RAI1: variants seen among roughly 807,000 people sequenced by gnomAD.
The protein encoded by RAI1 is retinoic acid induced 1.
In RAI1, 9 loss-of-function variants were observed where a neutral mutation model predicts 123.8. The ratio of observed to expected loss-of-function variants is 0.07; its 90% CI spans 0.04 to 0.13. The LOEUF is 0.13. Ranked by LOEUF, RAI1 falls within the 10% of genes least tolerant of loss-of-function variation. The pLI is 1.00. For synonymous variants in RAI1, 1,231 were observed against 1,127.3 expected, an observed-to-expected ratio of 1.09 and a Z score of -1.84; for missense variants, 2,256 against 2,545.8, an observed-to-expected ratio of 0.89 and a Z score of 2.45.
Position 17,800,897 on chromosome 17 carries a change from G to A in RAI1, c.5565+2384G>A, listed in dbSNP as rs1421266517. 6.6e-6 allele frequency among the ~76,000 whole-genome samples: 1 copy of A among 152,178 alleles called. No individual in the cohort carries two copies. Among genetic ancestry groups the A allele is most frequent in the African/African-American group, 2.4e-5 (1 of 41,428 alleles). On this transcript the variant is annotated intron_variant, in intron 3 of 5. Coordinates refer to ENST00000353383, the MANE Select transcript of RAI1 (RefSeq NM_030665.4). The surrounding 1 kb of genome is among the most constrained non-coding windows in gnomAD (Gnocchi z 4.7). ...AGCTCTGCCGAGGGCTGGTTCCATA[G>A]CTCCAGGCGAGTCACGCATGCTCTG... is the stretch of plus-strand genomic sequence containing the variant.
intron 1 of RAI1, among the ~76,000 whole-genome samples, chr17:17,705,187 C>T (rs1915355505): frequency 6.6e-6 from 1 of 152,204 alleles, no homozygotes; most frequent in Non-Finnish European, 1.5e-5. Flanking sequence ...GTCCCCCGGC[C>T]AGGGGTCCAT....
chr17:17,697,570 T>A (rs1915080540), intron 1 of RAI1, among the ~76,000 whole-genome samples: 1 of 152,250 alleles, frequency 6.6e-6, no homozygotes. Context: ...GAACATGATT[T>A]ATTTATCTGG....
At chr17:17,739,954 C>T (rs1916566920) in intron 2 of RAI1, among the ~76,000 whole-genome samples, 2 of 152,234 alleles carry the variant, frequency 1.3e-5, no homozygotes, top group Admixed American at 6.5e-5. Flanking sequence ...GCTAACATGA[C>T]TCACCGCGTG....
At chr17:17,770,399 G>A (rs999538075) in intron 2 of RAI1, among the ~76,000 whole-genome samples, 2 of 152,196 alleles carry the variant, frequency 1.3e-5, no homozygotes, top group Non-Finnish European at 2.9e-5. Flanking sequence ...CTCAGCCTGG[G>A]TAAGAGATGC....
At chr17:17,683,348 C>T (rs903906441) in intron 1 of RAI1, among the ~76,000 whole-genome samples, 11 of 152,170 alleles carry the variant, frequency 7.2e-5, no homozygotes, top group East Asian at 1.9e-4. Flanking sequence ...CTGCCCCCCT[C>T]CATTCTCCAT....
At position 17,799,590 on chromosome 17, in the gene RAI1, C is replaced by G. The variant is rs2143003999; in HGVS notation, c.5565+1077C>G. Among the ~76,000 whole-genome samples, 1 of 152,280 alleles carries G rather than the reference C, an allele frequency of 6.6e-6. No homozygotes were observed. Among genetic ancestry groups the G allele is most frequent in the South Asian group, 2.1e-4 (1 of 4,820 alleles). On this transcript the variant is annotated intron_variant, in intron 3 of 5. Transcript: ENST00000353383. The surrounding 1 kb of genome is among the most constrained non-coding windows in gnomAD (Gnocchi z 4.5). ...TCAGTGGGGACGCCTGCAGCCTTCT[C>G]TGGCCCCTGCCCTGAGTCCCATCCC...
chr17:17,737,953 G>C (rs1916490351), intron 2 of RAI1, among the ~76,000 whole-genome samples: 1 of 152,142 alleles, frequency 6.6e-6, no homozygotes, highest in South Asian at 2.1e-4. Context: ...CCCTGCCCCT[G>C]GTGGGGGGAG....
rs574733878 is a variant in RAI1 at position 17,748,525 on chromosome 17, C to G, written c.-17+24366C>G. Among the ~76,000 whole-genome samples, 10 of 152,178 alleles carry G rather than the reference C, an allele frequency of 6.6e-5. 1 individual carries two copies. Among genetic ancestry groups the G allele is most frequent in the Admixed American group, 6.5e-4 (10 of 15,284 alleles). ...GTCATGTTTAATTTGTACCAACAAC[C>G]CTGTGAGATAGGAAATAGCTTCCGT... is the stretch of plus-strand genomic sequence containing the variant. On this transcript the variant is annotated intron_variant, in intron 2 of 5. Transcript: ENST00000353383.
rs916714078 is a variant in RAI1, at chr17:17,685,813, G to T, written c.-149+4020G>T. The stretch of plus-strand genomic sequence containing the variant: ...CCTCTGCCTGCCCTGTCCTCATTCA[G>T]TCCTGTCCCCTCCAGCCACAGCTGG... On this transcript the variant is annotated intron_variant, in intron 1 of 5. Coordinates refer to ENST00000353383, the MANE Select transcript of RAI1 (RefSeq NM_030665.4). This position sits in a 1 kb window ranked among gnomAD's most constrained non-coding sequence, Gnocchi z 4.0. Among the ~76,000 whole-genome samples, 1 of 152,102 alleles carries T rather than the reference G, an allele frequency of 6.6e-6. No individual in the cohort carries two copies. Among genetic ancestry groups the T allele is most frequent in the Non-Finnish European group, 1.5e-5 (1 of 68,014 alleles).
chr17:17,741,245 G>GA (rs1256904011), intron 2 of RAI1, among the ~76,000 whole-genome samples: 1 of 151,966 alleles, frequency 6.6e-6, no homozygotes, highest in Non-Finnish European at 1.5e-5. Context: ...GACCAGCAGA[G>GA]AAAAAAAGAG....
rs768557252 is a variant in RAI1, at chr17:17,793,730, A to G, written c.782A>G (p.Gln261Arg). ...LTASSSLAPG[Q>R]RVQNLHAYQS... The stretch of plus-strand genomic sequence containing the variant: ...GCCAGCTCCAGCCTGGCCCCGGGGC[A>G]GCGGGTCCAGAATCTTCATGCCTAC... The change falls in exon 3 of 6, where the codon CAG becomes CGG. Residue 261 changes from glutamine (Q) to arginine (R), a missense_variant. Coordinates refer to ENST00000353383, the MANE Select transcript of RAI1 (RefSeq NM_030665.4). 6.2e-7 allele frequency: 1 copy of G among 1,612,868 alleles called. No individual in the cohort carries two copies. The highest frequency in any genetic ancestry group is 1.7e-5 in the Admixed American group (1 of 60,008).
intron 1 of RAI1, among the ~76,000 whole-genome samples, chr17:17,715,277 G>A (rs1223229529): frequency 6.6e-6 from 1 of 152,254 alleles, no homozygotes; most frequent in Non-Finnish European, 1.5e-5. Flanking sequence ...GGGCACTGGT[G>A]TGGAAGGTAA....
chr17:17,706,106 A>G (rs1915386744), intron 1 of RAI1, among the ~76,000 whole-genome samples: 1 of 151,832 alleles, frequency 6.6e-6, no homozygotes, highest in Non-Finnish European at 1.5e-5. Context: ...GGTAGCGCAC[A>G]GGCCAGCAGG....
chr17:17,712,392 G>C (rs922616330), intron 1 of RAI1, among the ~76,000 whole-genome samples: 1 of 152,256 alleles, frequency 6.6e-6, no homozygotes, highest in African/African-American at 2.4e-5. Context: ...AAGGCCCTGA[G>C]GTGGGGCTAT....
Position 17,793,129 on chromosome 17 carries a change from G to A in RAI1, c.181G>A (p.Gly61Ser), listed in dbSNP as rs757277582. ...YNPQPYPSYE[G>S]GAGTPSGTAA... ...CCCGCAGCCTTACCCGAGCTATGAG[G>A]GTGGCGCTGGCACGCCCTCTGGCAC... Residue 61 changes from glycine (G) to serine (S), a missense_variant, in exon 3 of 6, where the codon GGT (glycine) becomes AGT (serine). Gly to Ser is a moderately conservative substitution (Grantham distance 56). Around this residue, in one of 7 missense-constraint regions of RAI1, gnomAD observed 336 missense variants for 349.8 expected, o/e 0.96. Transcript: ENST00000353383. 2 of 1,613,786 alleles carry A rather than the reference G, an allele frequency of 1.2e-6. No individual in the cohort carries two copies. The highest frequency in any genetic ancestry group is 1.7e-6 in the Non-Finnish European group (2 of 1,180,026).
Position 17,783,473 on chromosome 17 carries a change from C to T in RAI1, c.-16-9460C>T, listed in dbSNP as rs1029424792. Among the ~76,000 whole-genome samples the T allele has an allele frequency of 5.9e-5, 9 of 152,074 alleles. No individual in the cohort carries two copies. In the South Asian group the frequency reaches 6.2e-4, roughly 11 times the overall value. On this transcript the variant is annotated intron_variant, in intron 2 of 5. Transcript: ENST00000353383. Reference sequence around the variant, plus strand: ...TTTACCTGCCCCTGAGGGAGTCCTGCGGATTTTCTCCGGCAGCAGCAGGCG... The same window carrying T: ...TTTACCTGCCCCTGAGGGAGTCCTGTGGATTTTCTCCGGCAGCAGCAGGCG...
At chr17:17,776,509 T>C (rs978585122) in intron 2 of RAI1, among the ~76,000 whole-genome samples, 5 of 152,108 alleles carry the variant, frequency 3.3e-5, no homozygotes, top group African/African-American at 1.2e-4. Flanking sequence ...TAGCTGGGAT[T>C]ACAGGTGTGT....
At chr17:17,735,932 C>T (rs904226492) in intron 2 of RAI1, among the ~76,000 whole-genome samples, 2 of 152,152 alleles carry the variant, frequency 1.3e-5, no homozygotes, top group Admixed American at 6.5e-5. Flanking sequence ...CCACAAAAGG[C>T]CTGAGGAATA....
chr17:17,733,937 G>C (rs758615206), intron 2 of RAI1, among the ~76,000 whole-genome samples: 3 of 152,124 alleles, frequency 2.0e-5, no homozygotes, highest in Non-Finnish European at 2.9e-5. Flanking sequence ...CCAATGCAAA[G>C]GTCTGGCCAT....
Sources: allele counts gnomAD v4.1 joint callset (sites outside exome capture counted in the v4.1 genomes callset), GRCh38; gene constraint gnomAD v4.1.1; regional missense constraint gnomAD v4.1.1; non-coding constraint Gnocchi (gnomAD v3.1); transcripts MANE v1.5; gene names NCBI Gene and HGNC (gene_info 2026-07-23, HGNC 2026-07-21).